NRXN1: variants seen among roughly 807,000 people sequenced by gnomAD.
NRXN1 encodes neurexin-1.
NRXN1 carries 39 observed loss-of-function variants against 150.9 expected under a neutral mutation model. The observed-to-expected ratio is 0.26, with a 90% CI of 0.20 to 0.34. The LOEUF is 0.34. Among genes scored for constraint, NRXN1 ranks in the 10% least tolerant of loss-of-function variants. The pLI, the probability that NRXN1 is intolerant of heterozygous loss-of-function variation, is 1.00. For missense variants in NRXN1, 1,815 were observed against 1,949.9 expected, an observed-to-expected ratio of 0.93 and a Z score of 1.30; for synonymous variants, 924 against 757.0, an observed-to-expected ratio of 1.22 and a Z score of -3.62.
At chr2:50,401,064 A>C (rs2103936931) in intron 17 of NRXN1, among the ~76,000 whole-genome samples, 1 of 152,260 alleles carries the variant, frequency 6.6e-6, no homozygotes. Context: ...TGGGTTAACC[A>C]ATGTAACATT....
At chr2:50,751,513 A>G (rs17502643) in intron 5 of NRXN1, among the ~76,000 whole-genome samples, 6,107 of 152,124 alleles carry the variant, frequency 0.04, 182 homozygotes, top group Non-Finnish European at 0.063. Context: ...GCCAGAAAAC[A>G]TGCAGGAATT....
At chr2:50,930,113 T>C (rs1301625346) in intron 2 of NRXN1, among the ~76,000 whole-genome samples, 8 of 152,210 alleles carry the variant, frequency 5.3e-5, no homozygotes, top group South Asian at 2.1e-4. Context: ...CAATCCCAGC[T>C]AAATAATATT....
chr2:50,942,035 T>C (rs1182170513), intron 2 of NRXN1, among the ~76,000 whole-genome samples: 2 of 152,156 alleles, frequency 1.3e-5, no homozygotes, highest in African/African-American at 2.4e-5. Flanking sequence ...CCTTGAGATA[T>C]GGCACCCTGC....
chr2:50,131,374 T>G (rs1396355528), intron 18 of NRXN1, among the ~76,000 whole-genome samples: 1 of 152,206 alleles, frequency 6.6e-6, no homozygotes, highest in Non-Finnish European at 1.5e-5. Context: ...AATTAGAGTT[T>G]TCTTTGGTCA....
chr2:50,956,356 C>A (rs1213103966), intron 2 of NRXN1, among the ~76,000 whole-genome samples: 1 of 152,056 alleles, frequency 6.6e-6, no homozygotes, highest in African/African-American at 2.4e-5. Flanking sequence ...CACTGGGGGG[C>A]CTTGGAACAT....
chr2:50,026,637 T>G (rs1447833794), intron 21 of NRXN1, among the ~76,000 whole-genome samples: 2 of 152,058 alleles, frequency 1.3e-5, no homozygotes, highest in African/African-American at 4.8e-5. Flanking sequence ...CCATTAAAAT[T>G]GCATACTCAT....
chr2:50,735,109 C>T (rs1335954851), intron 5 of NRXN1, among the ~76,000 whole-genome samples: 2 of 152,046 alleles, frequency 1.3e-5, no homozygotes, highest in Admixed American at 6.6e-5. Flanking sequence ...TAAAGAAAAG[C>T]CAGAATTTTA....
In NRXN1 at chr2:50,844,229, T is replaced by C. The variant is rs188595415; in HGVS notation, c.832+77640A>G. On this transcript the variant is annotated intron_variant, in intron 5 of 22. Coordinates refer to ENST00000401669, the MANE Select transcript of NRXN1 (RefSeq NM_001330078.2). ...AGTCCTTCCCCCAGTTCCTCACTAATCAAGTACTATGGCGTTACAATCTTC... is the reference window on the plus strand; with the variant it reads ...AGTCCTTCCCCCAGTTCCTCACTAACCAAGTACTATGGCGTTACAATCTTC... Among the ~76,000 whole-genome samples, 46 of 152,292 alleles carry C rather than the reference T, an allele frequency of 3.0e-4. No homozygotes were observed. In the East Asian group the frequency reaches 8.3e-3, roughly 28 times the overall value.
At chr2:50,406,629 T>C (rs1325677963) in intron 17 of NRXN1, among the ~76,000 whole-genome samples, 1 of 152,206 alleles carries the variant, frequency 6.6e-6, no homozygotes, top group Non-Finnish European at 1.5e-5. Context: ...ATATTCATTA[T>C]AAATTAATGA....
chr2:50,774,227 C>T (rs899970109), intron 5 of NRXN1, among the ~76,000 whole-genome samples: 8 of 152,024 alleles, frequency 5.3e-5, no homozygotes, highest in African/African-American at 9.7e-5. Flanking sequence ...ATATCTAAAG[C>T]GACATTCCTT....
intron 17 of NRXN1, among the ~76,000 whole-genome samples, chr2:50,370,649 A>G (rs899833497): frequency 7.9e-5 from 12 of 152,032 alleles, no homozygotes; most frequent in African/African-American, 2.7e-4. Flanking sequence ...CCTAGAATGT[A>G]CCATAAATAA....
chr2:50,989,672 T>C (rs13031157), intron 2 of NRXN1, among the ~76,000 whole-genome samples: 53,274 of 151,910 alleles, frequency 0.35, 10,212 homozygotes, highest in Non-Finnish European at 0.44. Flanking sequence ...TGCATGGATG[T>C]ACCCCAGTCT....
rs115553620 is a variant in NRXN1, at chr2:50,344,765, C to T, written c.3365-107795G>A. ...GGCCCCTTGGTCTTCTCCTCTCCCA[C>T]GTCCCCAGCAGCCTTATCCCTCTGG... On this transcript the variant is annotated intron_variant, in intron 17 of 22. Transcript: ENST00000401669. Among the ~76,000 whole-genome samples, 326 of 152,268 alleles carry T rather than the reference C, an allele frequency of 2.1e-3. 3 individuals are homozygous for T. Among genetic ancestry groups the T allele is most frequent in the African/African-American group, 7.4e-3 (306 of 41,556 alleles).
intron 18 of NRXN1, among the ~76,000 whole-genome samples, chr2:50,222,183 A>T (rs1163397710): frequency 6.6e-6 from 1 of 151,970 alleles, no homozygotes; most frequent in Non-Finnish European, 1.5e-5. Flanking sequence ...TTTTACTGAA[A>T]AGAGCCGCAT....
In NRXN1 at chr2:50,678,432, A is replaced by T. The variant is rs562245438; in HGVS notation, c.833-54817T>A. On this transcript the variant is annotated intron_variant, in intron 5 of 22. Coordinates refer to ENST00000401669, the MANE Select transcript of NRXN1 (RefSeq NM_001330078.2). The stretch of plus-strand genomic sequence containing the variant: ...TAAAAATGCAGTGCAGCTATAATGG[A>T]AAGTACAAAAGTTATATTAAGATAA... 1.8e-4 allele frequency among the ~76,000 whole-genome samples: 27 copies of T among 152,302 alleles called. No homozygotes were observed. The Middle Eastern group carries it at 0.01, about 58-fold the overall frequency.
At chr2:50,021,616 G>A (rs940799878) in intron 21 of NRXN1, among the ~76,000 whole-genome samples, 1 of 152,164 alleles carries the variant, frequency 6.6e-6, no homozygotes, top group Admixed American at 6.5e-5. Context: ...ACTTACAAGA[G>A]ACAAGGATGT....
At position 50,347,831 on chromosome 2, in the gene NRXN1, A is replaced by C. The variant is rs1396169366; in HGVS notation, c.3365-110861T>G. 1 of 985,450 alleles carries C rather than the reference A, an allele frequency of 1.0e-6. No individual in the cohort carries two copies. Among genetic ancestry groups the C allele is most frequent in the Non-Finnish European group, 1.2e-6 (1 of 830,030 alleles). 61.0% of individuals were successfully genotyped at this position (985,450 alleles called of 1,614,324 possible). A position where few individuals can be genotyped will look rare whatever the true frequency, so the allele number is the denominator to read the frequency against. ...GCAGTCTCCAAACAGCAAATCACTG[A>C]AGCTCGGATGCAATGCAGAGGACGA... On this transcript the variant is annotated intron_variant, in intron 17 of 22. Coordinates refer to ENST00000401669, the MANE Select transcript of NRXN1 (RefSeq NM_001330078.2). This position sits in a 1 kb window ranked among gnomAD's most constrained non-coding sequence, Gnocchi z 4.9.
At chr2:50,085,771 T>G (rs1573825919) in intron 19 of NRXN1, among the ~76,000 whole-genome samples, 1 of 152,152 alleles carries the variant, frequency 6.6e-6, no homozygotes, top group Admixed American at 6.5e-5. Flanking sequence ...TGTGTGTATA[T>G]GTGTTTGTGT....
chr2:50,096,445 T>G (rs7558542), intron 18 of NRXN1, among the ~76,000 whole-genome samples: 5,661 of 152,282 alleles, frequency 0.037, 352 homozygotes, highest in African/African-American at 0.13. Flanking sequence ...TAATTACAAT[T>G]TAAAAGAATT....
Sources: allele counts gnomAD v4.1 joint callset (sites outside exome capture counted in the v4.1 genomes callset), GRCh38; gene constraint gnomAD v4.1.1; non-coding constraint Gnocchi (gnomAD v3.1); transcripts MANE v1.5; gene names NCBI Gene and HGNC (gene_info 2026-07-23, HGNC 2026-07-21).